The following AP2M1 variants were observed in gnomAD, a reference collection of about 807,000 sequenced individuals.
AP2M1 encodes the protein AP-2 complex subunit mu.
In AP2M1, 5 loss-of-function variants were observed where a neutral mutation model predicts 54.5. The observed-to-expected ratio is 0.09, with a 90% CI of 0.05 to 0.19. The LOEUF (loss-of-function observed/expected upper bound fraction) is 0.19. Among genes scored for constraint, AP2M1 ranks in the 10% least tolerant of loss-of-function variants. AP2M1 has a pLI of 1.00. For missense variants in AP2M1, 178 were observed against 580.2 expected (o/e 0.31, Z 7.12); for synonymous variants, 186 against 208.2 (o/e 0.89, Z 0.92).
At position 184,183,345 on chromosome 3, in the gene AP2M1, G is replaced by A. The variant is rs2109032756; in HGVS notation, c.1174-137G>A. The A allele has an allele frequency of 2.2e-6, 3 of 1,354,946 alleles. No homozygotes were observed. The highest frequency in any genetic ancestry group is 3.0e-6 in the Non-Finnish European group (3 of 991,056). 83.9% of individuals were successfully genotyped at this position (1,354,946 alleles called of 1,614,324 possible). A position where few individuals can be genotyped will look rare whatever the true frequency, so the allele number is the denominator to read the frequency against. The stretch of plus-strand genomic sequence containing the variant: ...TTAGTCACCTCTTAGAAGGTCCCAC[G>A]CCGCCCCAGCTTCTTTCAGGACCCC... On this transcript the variant is annotated intron_variant, in intron 11 of 11. Coordinates refer to ENST00000292807, the MANE Select transcript of AP2M1 (RefSeq NM_004068.4). This position sits in a 1 kb window ranked among gnomAD's most constrained non-coding sequence, Gnocchi z 5.7.
Position 184,182,700 on chromosome 3 carries a change from C to A in AP2M1, c.1062-57C>A. On this transcript the variant is annotated intron_variant, in intron 10 of 11. Transcript: ENST00000292807. The surrounding 1 kb of genome is among the most constrained non-coding windows in gnomAD (Gnocchi z 5.5). Reference sequence around the variant, plus strand: ...CTCTCTCCTTGCTTGAAATGGGCAACTGCCCTTGAAACTCCTCCAAGCCCC... The same window carrying A: ...CTCTCTCCTTGCTTGAAATGGGCAAATGCCCTTGAAACTCCTCCAAGCCCC... 1 of 1,500,994 alleles carries A rather than the reference C, an allele frequency of 6.7e-7. No homozygotes were observed. 93.0% of individuals were successfully genotyped at this position (1,500,994 alleles called of 1,614,324 possible).
In AP2M1 at chr3:184,181,860, G is replaced by A. The variant is rs747952613; in HGVS notation, c.827+45G>A. ...AGGCAGCTAGTGCTGCTGGCAGACT[G>A]GGGAGAGGAAGTGGGTCAGCTCTTT... On this transcript the variant is annotated intron_variant, in intron 8 of 11. Transcript: ENST00000292807. The surrounding 1 kb of genome is among the most constrained non-coding windows in gnomAD (Gnocchi z 5.7). The A allele has an allele frequency of 1.2e-5, 19 of 1,613,950 alleles. No homozygotes were observed. Among genetic ancestry groups the A allele is most frequent in the Non-Finnish European group, 1.6e-5 (19 of 1,179,936 alleles).
In AP2M1 at chr3:184,183,743, G is replaced by C; in HGVS notation, c.*127G>C. 2 of 1,171,104 alleles carry C rather than the reference G, an allele frequency of 1.7e-6. No homozygotes were observed. The highest frequency in any genetic ancestry group is 2.3e-5 in the Admixed American group (1 of 43,182). The allele number at this position is 1,171,104 out of a possible 1,614,324, so 72.5% of individuals were successfully genotyped here. The stretch of plus-strand genomic sequence containing the variant: ...TGCTGCCTTCCCTTTGCACCAGCCC[G>C]AGTCTAGGTCTGGGCCAAGCACATT... On this transcript the variant is annotated 3_prime_UTR_variant, in exon 12 of 12. Coordinates refer to ENST00000292807, the MANE Select transcript of AP2M1 (RefSeq NM_004068.4). The surrounding 1 kb of genome is among the most constrained non-coding windows in gnomAD (Gnocchi z 5.7).
chr3:184,184,008 A>C lies in AP2M1; in HGVS notation c.*392A>C. On this transcript the variant is annotated 3_prime_UTR_variant, in exon 12 of 12. Coordinates refer to ENST00000292807, the MANE Select transcript of AP2M1 (RefSeq NM_004068.4). ...TAATGGATCCCCGGCCTCAGTCCCT[A>C]CTCTGCTTTGGGATAGTGTGAGCTT... 4.7e-6 allele frequency: 1 copy of C among 211,302 alleles called. No individual in the cohort carries two copies. Among genetic ancestry groups the C allele is most frequent in the East Asian group, 1.0e-4 (1 of 9,662 alleles). The allele number at this position is 211,302 out of a possible 1,614,324, so 13.1% of individuals were successfully genotyped here. A position where few individuals can be genotyped will look rare whatever the true frequency, so the allele number is the denominator to read the frequency against.
intron 1 of AP2M1, among the ~76,000 whole-genome samples, chr3:184,176,253 T>C (rs1715069716): frequency 6.6e-6 from 1 of 152,100 alleles, no homozygotes; most frequent in Admixed American, 6.5e-5. Flanking sequence ...CAGAAATAAC[T>C]GTAATAAGCA....
chr3:184,182,888 T>C lies in AP2M1; in HGVS notation c.1173+20T>C. The C allele has an allele frequency of 6.3e-7, 1 of 1,597,756 alleles. No individual in the cohort carries two copies. Among genetic ancestry groups the C allele is most frequent in the Non-Finnish European group, 8.6e-7 (1 of 1,165,836 alleles). ...TTTGAGGTATGGCAGAGGAGGGGCC[T>C]AGAGTCATGCCAGGGTATGCTGGAA... On this transcript the variant is annotated intron_variant, in intron 11 of 11. Coordinates refer to ENST00000292807, the MANE Select transcript of AP2M1 (RefSeq NM_004068.4). This position sits in a 1 kb window ranked among gnomAD's most constrained non-coding sequence, Gnocchi z 5.5.
intron 3 of AP2M1, among the ~76,000 whole-genome samples, chr3:184,179,662 C>CT (rs368749437): frequency 0.07 from 9,412 of 135,030 alleles, 767 homozygotes; most frequent in African/African-American, 0.19. Flanking sequence ...GATTTCTTTT[C>CT]TTTTTTTTTT....
At chr3:184,176,281 G>GTA (rs1715070065) in intron 1 of AP2M1, among the ~76,000 whole-genome samples, 1 of 152,194 alleles carries the variant, frequency 6.6e-6, no homozygotes, top group Admixed American at 6.5e-5. Context: ...TGATGGAAGT[G>GTA]TAGTCTGCCA....
chr3:184,180,674 C>G lies in AP2M1; in HGVS notation c.429+24C>G. 6.2e-7 allele frequency: 1 copy of G among 1,614,248 alleles called. No individual in the cohort carries two copies. Among genetic ancestry groups the G allele is most frequent in the Non-Finnish European group, 8.5e-7 (1 of 1,180,046 alleles). On this transcript the variant is annotated intron_variant, in intron 5 of 11. Coordinates refer to ENST00000292807, the MANE Select transcript of AP2M1 (RefSeq NM_004068.4). The surrounding 1 kb of genome is among the most constrained non-coding windows in gnomAD (Gnocchi z 4.9). ...AGGTAAGCTCTTCCCTCAGCTTCCACCCTTGCAGCTTTGCTTTGTTTCTCC... is the reference window on the plus strand; with the variant it reads ...AGGTAAGCTCTTCCCTCAGCTTCCAGCCTTGCAGCTTTGCTTTGTTTCTCC...
At position 184,183,621 on chromosome 3, in the gene AP2M1, CACT is replaced by C; in HGVS notation, c.*7_*9del. On this transcript the variant is annotated 3_prime_UTR_variant, in exon 12 of 12. Transcript: ENST00000292807. This position sits in a 1 kb window ranked among gnomAD's most constrained non-coding sequence, Gnocchi z 5.7. ...ATTTATGAAACTCGCTGCTAGCTGCCACTAGGCAGCTAGCCCACCTCCCCAGCC... is the reference window on the plus strand; with the variant it reads ...ATTTATGAAACTCGCTGCTAGCTGCCAGGCAGCTAGCCCACCTCCCCAGCC... 2 of 1,611,904 alleles carry C rather than the reference CACT, an allele frequency of 1.2e-6. No homozygotes were observed. The highest frequency in any genetic ancestry group is 1.7e-6 in the Non-Finnish European group (2 of 1,179,538).
At position 184,174,935 on chromosome 3, in the gene AP2M1, C is replaced by A. The variant is rs886722946; in HGVS notation, c.-68C>A. On this transcript the variant is annotated 5_prime_UTR_variant, in exon 1 of 12. Coordinates refer to ENST00000292807, the MANE Select transcript of AP2M1 (RefSeq NM_004068.4). ...GGGATCCGGAGAGTGGCCGGGCCGG[C>A]AGAGCAGGGGGCCGAGGACACCAGG... 5.0e-6 allele frequency: 2 copies of A among 398,460 alleles called. No individual in the cohort carries two copies. Among genetic ancestry groups the A allele is most frequent in the Non-Finnish European group, 8.8e-6 (2 of 226,048 alleles). 24.7% of individuals were successfully genotyped at this position (398,460 alleles called of 1,614,324 possible).
At position 184,181,425 on chromosome 3, in the gene AP2M1, T is replaced by G; in HGVS notation, c.707+199T>G. Reference sequence around the variant, plus strand: ...GTCCTCAGAGAGCAAGCCCCTTTGTTTGGTCCCTAGGACCAAGGCCTTTTC... The same window carrying G: ...GTCCTCAGAGAGCAAGCCCCTTTGTGTGGTCCCTAGGACCAAGGCCTTTTC... On this transcript the variant is annotated intron_variant, in intron 7 of 11. Transcript: ENST00000292807. This position sits in a 1 kb window ranked among gnomAD's most constrained non-coding sequence, Gnocchi z 5.7. 2 of 929,062 alleles carry G rather than the reference T, an allele frequency of 2.2e-6. No homozygotes were observed. Among genetic ancestry groups the G allele is most frequent in the Non-Finnish European group, 3.2e-6 (2 of 632,214 alleles). 57.6% of individuals were successfully genotyped at this position (929,062 alleles called of 1,614,324 possible).
chr3:184,180,896 T>G lies in AP2M1; in HGVS notation c.477T>G (p.Ile159Met), dbSNP rs932364883. ...SQITSQVTGQ[I>M]GWRREGIKYR... The stretch of plus-strand genomic sequence containing the variant: ...TCACCAGCCAGGTAACTGGGCAGAT[T>G]GGCTGGCGGCGAGAGGGTATCAAGT... Residue 159 changes from isoleucine to methionine, a missense_variant, in exon 6 of 12, where the codon ATT becomes ATG. Physicochemically the swap from Ile to Met is conservative, Grantham distance 10 (BLOSUM62 1). Transcript: ENST00000292807. The surrounding 1 kb of genome is among the most constrained non-coding windows in gnomAD (Gnocchi z 4.9). 1 of 1,614,180 alleles carries G rather than the reference T, an allele frequency of 6.2e-7. No homozygotes were observed.
In AP2M1 at chr3:184,180,224, C is replaced by T. The variant is rs538802066; in HGVS notation, c.396C>T (p.Phe132=). 370 of 1,614,218 alleles carry T rather than the reference C, an allele frequency of 2.3e-4. 6 individuals are homozygous for T. In the South Asian group the frequency reaches 3.9e-3, roughly 17 times the overall value. The change falls in exon 4 of 12, where the codon TTC becomes TTT. Residue 132 remains phenylalanine, a synonymous_variant. Coordinates refer to ENST00000292807, the MANE Select transcript of AP2M1 (RefSeq NM_004068.4). The surrounding 1 kb of genome is among the most constrained non-coding windows in gnomAD (Gnocchi z 4.9). ...QNSETGALKT[F]ITQQGIKSQH... ...CCGAGACAGGCGCGCTGAAAACCTTCATCACGCAGCAGGGCATCAAGAGTC... is the reference window on the plus strand; with the variant it reads ...CCGAGACAGGCGCGCTGAAAACCTTTATCACGCAGCAGGGCATCAAGAGTC...
At chr3:184,177,669 A>C in intron 2 of AP2M1, 5 of 1,471,830 alleles carry the variant, frequency 3.4e-6, no homozygotes, top group Non-Finnish European at 4.6e-6. Context: ...CCCTCTCAGT[A>C]GACCCAGAGC....
chr3:184,175,866 C>T (rs1715057710), intron 1 of AP2M1, among the ~76,000 whole-genome samples: 1 of 152,184 alleles, frequency 6.6e-6, no homozygotes, highest in African/African-American at 2.4e-5. Flanking sequence ...GATGAGTCCA[C>T]CACCTTGAGA....
intron 1 of AP2M1, 164 bp downstream of exon 1, chr3:184,175,123 C>T (rs1715019905): frequency 7.6e-6 from 3 of 395,366 alleles, no homozygotes; most frequent in South Asian, 1.4e-4. Flanking sequence ...GGGGCGGGGG[C>T]GCCCGGGGCG....
In AP2M1 at chr3:184,178,297, T is replaced by G. The variant is rs929136223; in HGVS notation, c.75-560T>G. 6.7e-7 allele frequency: 1 copy of G among 1,487,804 alleles called. No individual in the cohort carries two copies. The highest frequency in any genetic ancestry group is 1.4e-5 in the African/African-American group (1 of 71,912). 92.2% of individuals were successfully genotyped at this position (1,487,804 alleles called of 1,614,324 possible). A position where few individuals can be genotyped will look rare whatever the true frequency, so the allele number is the denominator to read the frequency against. On this transcript the variant is annotated intron_variant, in intron 2 of 11. Coordinates refer to ENST00000292807, the MANE Select transcript of AP2M1 (RefSeq NM_004068.4). The surrounding 1 kb of genome is among the most constrained non-coding windows in gnomAD (Gnocchi z 4.9). ...GCCCCCATCGTTTTCCTGCATCCTT[T>G]TTCATTCCCTCAACTTGCTCTGGAG...
Position 184,179,169 on chromosome 3 carries a change from AC to A in AP2M1, c.340+49del, listed in dbSNP as rs1560126104. ...GGCAGCGGGCGTAGGGTGGGAAAAAACCAGGCTGGGCCTGGCCTGAAGGTGG... is the reference window on the plus strand; with the variant it reads ...GGCAGCGGGCGTAGGGTGGGAAAAAACAGGCTGGGCCTGGCCTGAAGGTGG... On this transcript the variant is annotated intron_variant, in intron 3 of 11. Coordinates refer to ENST00000292807, the MANE Select transcript of AP2M1 (RefSeq NM_004068.4). The A allele has an allele frequency of 4.4e-6, 7 of 1,598,898 alleles. No homozygotes were observed. In the African/African-American group the frequency reaches 8.0e-5, roughly 18 times the overall value.
Sources: gnomAD v4.1 joint callset for allele counts (sites outside exome capture counted in the v4.1 genomes callset) on GRCh38, gnomAD v4.1.1 for gene constraint, Gnocchi (gnomAD v3.1) non-coding constraint, MANE v1.5 for transcripts, NCBI Gene and HGNC (gene_info 2026-07-23, HGNC 2026-07-21) for gene names.